The following ALDH18A1 variants were observed in gnomAD, a reference collection of about 807,000 sequenced individuals.
The protein encoded by ALDH18A1 is delta-1-pyrroline-5-carboxylate synthase.
Under a neutral mutation model 88.8 loss-of-function variants are expected in ALDH18A1, and 44 were observed. That is an observed-to-expected ratio of 0.50 (90% CI 0.39 to 0.64). The LOEUF (loss-of-function observed/expected upper bound fraction) is 0.64. Ranked by LOEUF, ALDH18A1 falls within the 30% of genes least tolerant of loss-of-function variation. The pLI is 0.00. For missense variants in ALDH18A1, 782 were observed against 1,009.5 expected (o/e 0.77, Z 3.05); for synonymous variants, 331 against 372.1 (o/e 0.89, Z 1.27).
chr10:95,610,876 G>A (rs950515528), intron 16 of ALDH18A1, among the ~76,000 whole-genome samples: 2 of 152,176 alleles, frequency 1.3e-5, no homozygotes, highest in Admixed American at 1.3e-4. Flanking sequence ...ACCCAGGAGT[G>A]TCCCTGCATA....
chr10:95,610,104 T>C, intron 17 of ALDH18A1, 93 bp downstream of exon 17: 1 of 1,214,288 alleles, frequency 8.2e-7, no homozygotes, highest in Non-Finnish European at 1.2e-6. Context: ...CATGTGACAG[T>C]CAAGGGGAGG....
At position 95,653,362 on chromosome 10, in the gene ALDH18A1, A is replaced by C. The variant is rs1432984719; in HGVS notation, c.16T>G (p.Tyr6Asp). The part of the protein sequence containing the change: MLSQV[Y>D]RCGFQPFNQH... ...TTGAAGGGCTGGAACCCACAGCGGT[A>C]AACTTGACTCAACATGCTGCGATGT... Residue 6 changes from tyrosine (Y) to aspartate (D), a missense_variant, in exon 2 of 18, where the codon TAC (tyrosine) becomes GAC (aspartate). Coordinates refer to ENST00000371224, the MANE Select transcript of ALDH18A1 (RefSeq NM_002860.4). 5 of 1,613,598 alleles carry C rather than the reference A, an allele frequency of 3.1e-6. No individual in the cohort carries two copies. Among genetic ancestry groups the C allele is most frequent in the Non-Finnish European group, 4.2e-6 (5 of 1,179,960 alleles).
chr10:95,643,107 T>C lies in ALDH18A1; in HGVS notation c.188A>G (p.His63Arg), dbSNP rs996330014. 4 of 1,614,234 alleles carry C rather than the reference T, an allele frequency of 2.5e-6. No homozygotes were observed. The highest frequency in any genetic ancestry group is 3.3e-4 in the Middle Eastern group (2 of 6,062). Residue 63 changes from histidine to arginine, a missense_variant, in exon 3 of 18, where the codon CAC becomes CGC. Coordinates refer to ENST00000371224, the MANE Select transcript of ALDH18A1 (RefSeq NM_002860.4). ...LSRTHGKSFAHRSELKHAKRI... is the reference protein window; with the variant it reads ...LSRTHGKSFARRSELKHAKRI... ...CTTGGCATGCTTCAGCTCACTGCGG[T>C]GGGCGAAGGACTTGCCATGTGTACG... is the stretch of plus-strand genomic sequence containing the variant.
At chr10:95,614,184 G>A in intron 13 of ALDH18A1, 23 bp from the exon 14 acceptor site, 3 of 1,611,532 alleles carry the variant, frequency 1.9e-6, no homozygotes, top group Non-Finnish European at 2.5e-6. Context: ...AGAAGAAAAA[G>A]ATAAAGATGA....
chr10:95,616,647 G>A (rs2097844779), intron 12 of ALDH18A1, 33 bp from the exon 13 acceptor site: 4 of 1,589,924 alleles, frequency 2.5e-6, no homozygotes, highest in South Asian at 1.1e-5. Flanking sequence ...TGGATCAAAG[G>A]AGACAAACAG....
At position 95,606,416 on chromosome 10, in the gene ALDH18A1, C is replaced by T. The variant is rs1408812431; in HGVS notation, c.*346G>A. The T allele has an allele frequency of 8.6e-7, 1 of 1,157,662 alleles. No homozygotes were observed. The highest frequency in any genetic ancestry group is 1.6e-5 in the African/African-American group (1 of 63,074). The allele number at this position is 1,157,662 out of a possible 1,614,324, so 71.7% of individuals were successfully genotyped here. Reference sequence around the variant, plus strand: ...GACTGGCTCTAGTACCAACTAAATGCCAAGGGGGACTGTAAGTCACTGAGG... The same window carrying T: ...GACTGGCTCTAGTACCAACTAAATGTCAAGGGGGACTGTAAGTCACTGAGG... On this transcript the variant is annotated 3_prime_UTR_variant, in exon 18 of 18. Transcript: ENST00000371224.
chr10:95,626,804 C>A, intron 9 of ALDH18A1, 28 bp from the exon 10 acceptor site: 1 of 1,612,550 alleles, frequency 6.2e-7, no homozygotes, highest in South Asian at 1.1e-5. Context: ...AATATCAGGT[C>A]ATGGTCACCT....
chr10:95,608,239 T>G (rs925086746), intron 17 of ALDH18A1, among the ~76,000 whole-genome samples: 1 of 152,232 alleles, frequency 6.6e-6, no homozygotes, highest in Admixed American at 6.5e-5. Context: ...GGATTTTCAT[T>G]TGAATGCTGG....
chr10:95,639,865 T>C (rs2097888053), intron 3 of ALDH18A1, among the ~76,000 whole-genome samples: 1 of 152,102 alleles, frequency 6.6e-6, no homozygotes, highest in African/African-American at 2.4e-5. Context: ...AATTGTGTCC[T>C]TATGGTATTA....
At position 95,628,368 on chromosome 10, in the gene ALDH18A1, C is replaced by T; in HGVS notation, c.933G>A (p.Lys311=). The T allele has an allele frequency of 6.2e-7, 1 of 1,614,124 alleles. No individual in the cohort carries two copies. Among genetic ancestry groups the T allele is most frequent in the Non-Finnish European group, 8.5e-7 (1 of 1,179,972 alleles). ...GGCAGTTAAGGCACCAGATTCTTAC[C>T]TTGGCTTCCATGCCACCCATTCCCA... ...SRVGMGGMEA[K]VKAALWALQG... The change falls in exon 8 of 18, where the codon AAG becomes AAA. Residue 311 remains lysine (K), a splice_region_variant and synonymous_variant. Coordinates refer to ENST00000371224, the MANE Select transcript of ALDH18A1 (RefSeq NM_002860.4).
chr10:95,615,491 A>G (rs1566000745), intron 13 of ALDH18A1, among the ~76,000 whole-genome samples: 1 of 152,022 alleles, frequency 6.6e-6, no homozygotes, highest in Admixed American at 6.6e-5. Flanking sequence ...GTGGTTATAC[A>G]TGTGTGTGTG....
intron 1 of ALDH18A1, among the ~76,000 whole-genome samples, chr10:95,654,206 C>T (rs928465521): frequency 1.4e-5 from 2 of 147,748 alleles, no homozygotes. Context: ...TGTTCTGTTG[C>T]CAGGCTGGAG....
chr10:95,650,449 T>G (rs548823944), intron 2 of ALDH18A1, among the ~76,000 whole-genome samples: 42 of 152,298 alleles, frequency 2.8e-4, no homozygotes, highest in African/African-American at 9.9e-4. Flanking sequence ...GTGTTTGAAT[T>G]ACGGGGGCAG....
intron 5 of ALDH18A1, among the ~76,000 whole-genome samples, chr10:95,634,760 T>C (rs1346346040): frequency 1.3e-5 from 2 of 152,172 alleles, no homozygotes; most frequent in Non-Finnish European, 2.9e-5. Context: ...TTTTATGCAA[T>C]GTTTAGGAGA....
chr10:95,637,237 G>A, intron 4 of ALDH18A1, 40 bp from the exon 5 acceptor site: 1 of 1,614,218 alleles, frequency 6.2e-7, no homozygotes. Context: ...TAGGGAATGA[G>A]GGAAGAAGAC....
chr10:95,609,711 T>C (rs1157633691), intron 17 of ALDH18A1, among the ~76,000 whole-genome samples: 3 of 151,684 alleles, frequency 2.0e-5, no homozygotes, highest in Non-Finnish European at 4.4e-5. Context: ...CACCAACTCA[T>C]GGGAGGTTTC....
intron 5 of ALDH18A1, 45 bp downstream of exon 5, chr10:95,637,048 C>T: frequency 6.3e-7 from 1 of 1,579,890 alleles, no homozygotes; most frequent in South Asian, 1.1e-5. Context: ...TCCACAACAA[C>T]CACCCTCACA....
intron 11 of ALDH18A1, among the ~76,000 whole-genome samples, chr10:95,623,822 C>T (rs58011898): frequency 0.013 from 1,915 of 152,316 alleles, 53 homozygotes; most frequent in African/African-American, 0.044. Context: ...ACCTAGGCCT[C>T]CGAAAGTGCT....
intron 17 of ALDH18A1, among the ~76,000 whole-genome samples, chr10:95,609,761 C>G (rs1338767848): frequency 1.0e-5 from 1 of 98,006 alleles, no homozygotes; most frequent in Admixed American, 1.2e-4. Context: ...TGCCAGAAGT[C>G]TGTCTCTATT....
Sources: allele counts gnomAD v4.1 joint callset (sites outside exome capture counted in the v4.1 genomes callset), GRCh38; gene constraint gnomAD v4.1.1; transcripts MANE v1.5; gene names NCBI Gene and HGNC (gene_info 2026-07-23, HGNC 2026-07-21).